STON2: variants seen among roughly 807,000 people sequenced by gnomAD.
The protein encoded by STON2 is stonin-2.
STON2 carries 29 observed loss-of-function variants against 65.7 expected under a neutral mutation model. The observed-to-expected ratio is 0.44, with a 90% confidence interval of 0.33 to 0.60. STON2 has a LOEUF of 0.60. Ranked by LOEUF, STON2 falls within the 20% of genes least tolerant of loss-of-function variation. The pLI, the probability that STON2 is intolerant of heterozygous loss-of-function variation, is 0.03. For synonymous variants in STON2, 404 were observed against 414.2 expected (o/e 0.98, Z 0.30); for missense variants, 1,054 against 1,118.1 (o/e 0.94, Z 0.82).
intron 5 of STON2, among the ~76,000 whole-genome samples, chr14:81,302,222 T>C (rs1356565070): frequency 6.6e-6 from 1 of 152,242 alleles, no homozygotes; most frequent in Non-Finnish European, 1.5e-5. Context: ...ATACTCACTT[T>C]AATCAGCATC....
upstream of STON2, among the ~76,000 whole-genome samples, chr14:81,400,473 C>A (rs561068136): frequency 1.4e-5 from 1 of 71,746 alleles, no homozygotes; most frequent in East Asian, 3.5e-4. Context: ...CCCCACAGCA[C>A]CCGTCAAAAA....
intron 4 of STON2, among the ~76,000 whole-genome samples, chr14:81,353,597 G>A (rs1223925552): frequency 6.6e-6 from 1 of 152,060 alleles, no homozygotes; most frequent in African/African-American, 2.4e-5. Flanking sequence ...CCCACAAGTC[G>A]GCACAGGCCC....
intron 5 of STON2, among the ~76,000 whole-genome samples, chr14:81,279,628 T>G (rs572144877): frequency 6.6e-6 from 1 of 151,612 alleles, no homozygotes; most frequent in African/African-American, 2.4e-5. Flanking sequence ...GAGGCAGAGA[T>G]AGAAGTCAGC....
At chr14:81,270,498 T>C (rs1894530876) in intron 7 of STON2, 172 bp downstream of exon 7, 1 of 1,514,144 alleles carries the variant, frequency 6.6e-7, no homozygotes, top group South Asian at 1.3e-5. Context: ...AGCCAGATTA[T>C]GCATTTAAAT....
chr14:81,362,218 T>A (rs1898525090), intron 4 of STON2, among the ~76,000 whole-genome samples: 1 of 152,110 alleles, frequency 6.6e-6, no homozygotes. Flanking sequence ...AATACACAAG[T>A]TATGGAATCA....
At chr14:81,306,665 T>G (rs1896196871) in intron 5 of STON2, 1 of 152,182 alleles carries the variant, frequency 6.6e-6, no homozygotes, top group South Asian at 2.1e-4. Context: ...CTTTCACGAC[T>G]GCAGGATGAC....
intron 4 of STON2, among the ~76,000 whole-genome samples, chr14:81,370,383 C>T (rs1470319802): frequency 3.3e-5 from 5 of 152,174 alleles, no homozygotes; most frequent in African/African-American, 1.2e-4. Context: ...TGTTAACAGA[C>T]CCATATTCCA....
rs1489006483 is a variant in STON2 at position 81,265,626 on chromosome 14, CAA to C, written c.*2786_*2787del. 1.8e-5 allele frequency: 7 copies of C among 387,606 alleles called. No individual in the cohort carries two copies. The East Asian group carries it at 6.8e-4, about 38-fold the overall frequency. The allele number at this position is 387,606 out of a possible 1,614,324, so 24.0% of individuals were successfully genotyped here. On this transcript the variant is annotated 3_prime_UTR_variant, in exon 8 of 8. Coordinates refer to ENST00000614646, the MANE Select transcript of STON2 (RefSeq NM_001394390.1). Reference sequence around the variant, plus strand: ...CGCCATTGCACTCCAGCCTGGGCGACAAGAGCGAAACTTTGTCTCAGTAATAA... The same window carrying C: ...CGCCATTGCACTCCAGCCTGGGCGACGAGCGAAACTTTGTCTCAGTAATAA...
At chr14:81,322,351 G>C (rs1175860012) in intron 5 of STON2, among the ~76,000 whole-genome samples, 4 of 151,818 alleles carry the variant, frequency 2.6e-5, no homozygotes, top group Non-Finnish European at 4.4e-5. Flanking sequence ...GCTTCTATTT[G>C]TTTTTTAATC....
intron 3 of STON2, among the ~76,000 whole-genome samples, chr14:81,383,340 G>C (rs1046312841): frequency 1.3e-4 from 20 of 152,164 alleles, no homozygotes; most frequent in South Asian, 8.3e-4. Context: ...ATACTGATGA[G>C]GCACTAGCAA....
chr14:81,412,796 G>A lies in STON2; in HGVS notation c.-198-14216C>T, dbSNP rs1360653567. Among the ~76,000 whole-genome samples, 7 of 139,684 alleles carry A rather than the reference G, an allele frequency of 5.0e-5. 1 individual carries two copies. Among genetic ancestry groups the A allele is most frequent in the African/African-American group, 1.2e-4 (4 of 34,032 alleles). 91.6% of individuals were successfully genotyped at this position (139,684 alleles called of 152,430 possible). ...AATGACCACGCGCAAAGCAGTCTTC[G>A]CAAAGGGGAAAATATGATTGCTTTG... On this transcript the variant is annotated intron_variant, in intron 2 of 8. Transcript: ENST00000553821.
chr14:81,428,892 A>T (rs1305812559), intron 1 of STON2, among the ~76,000 whole-genome samples: 1 of 152,236 alleles, frequency 6.6e-6, no homozygotes, highest in African/African-American at 2.4e-5. Context: ...GCAATGGTCT[A>T]GTGTCTAACT....
intron 5 of STON2, among the ~76,000 whole-genome samples, chr14:81,299,290 G>A (rs1246915931): frequency 2.6e-5 from 4 of 152,158 alleles, no homozygotes; most frequent in Non-Finnish European, 5.9e-5. Flanking sequence ...AAAAAGTATG[G>A]TAAAATTTAA....
In STON2 at chr14:81,386,535, G is replaced by A. The variant is rs139466777; in HGVS notation, c.373+9359C>T. 2.3e-3 allele frequency among the ~76,000 whole-genome samples: 344 copies of A among 152,340 alleles called. 3 individuals are homozygous for A. The highest frequency in any genetic ancestry group is 7.8e-3 in the African/African-American group (324 of 41,584). On this transcript the variant is annotated intron_variant, in intron 3 of 7. Transcript: ENST00000614646. ...TTAGTTTCCCCAGACACAATGGGAA[G>A]GCCTTAGCCCAAGCTTTTAGGGAAG...
chr14:81,363,358 C>A (rs552269980), intron 4 of STON2, among the ~76,000 whole-genome samples: 2 of 152,146 alleles, frequency 1.3e-5, no homozygotes, highest in African/African-American at 4.8e-5. Flanking sequence ...AAGCTGTTTG[C>A]AGATTATCAC....
At chr14:81,419,012 C>T (rs1208564697) in intron 2 of STON2, among the ~76,000 whole-genome samples, 1 of 151,536 alleles carries the variant, frequency 6.6e-6, no homozygotes, top group East Asian at 1.9e-4. Context: ...GAAAATACCT[C>T]TTAAAATCTC....
chr14:81,292,875 C>T (rs1163938938), intron 5 of STON2, among the ~76,000 whole-genome samples: 1 of 152,170 alleles, frequency 6.6e-6, no homozygotes, highest in Non-Finnish European at 1.5e-5. Flanking sequence ...AGGGAAAGGA[C>T]AAAGTCAACA....
chr14:81,321,440 G>A (rs1278688685), intron 5 of STON2, among the ~76,000 whole-genome samples: 1 of 151,940 alleles, frequency 6.6e-6, no homozygotes, highest in South Asian at 2.1e-4. Context: ...GCCACAGCTG[G>A]GTATTGTTCT....
chr14:81,393,882 C>T (rs897109667), intron 3 of STON2, among the ~76,000 whole-genome samples: 23 of 152,126 alleles, frequency 1.5e-4, no homozygotes, highest in African/African-American at 5.3e-4. Context: ...GACTCAATGA[C>T]AATTCATGCA....
Sources: gnomAD v4.1 joint callset for allele counts (sites outside exome capture counted in the v4.1 genomes callset) on GRCh38, gnomAD v4.1.1 for gene constraint, MANE v1.5 for transcripts, NCBI Gene and HGNC (gene_info 2026-07-23, HGNC 2026-07-21) for gene names.